Variants in SUCNR1 observed in about 807,000 individuals in gnomAD.
The protein encoded by SUCNR1 is G-protein coupled receptor 91.
A neutral mutation model predicts 2.4 loss-of-function variants in SUCNR1; 5 were observed. The observed-to-expected ratio is 2.07, with a 90% CI of 1.08 to 4.36. SUCNR1 has a LOEUF of 4.36. SUCNR1 is among the 30% of genes most tolerant of loss of function. The probability of loss-of-function intolerance (pLI) is 0.00; values close to 1 mark genes in which losing one functional copy is unlikely to be tolerated. For synonymous variants in SUCNR1, 162 were observed against 143.9 expected, an observed-to-expected ratio of 1.13 and a Z score of -0.90; for missense variants, 373 against 399.2, an observed-to-expected ratio of 0.93 and a Z score of 0.56.
At chr3:151,876,962 T>C (rs1005553848) in intron 1 of SUCNR1, among the ~76,000 whole-genome samples, 1 of 152,154 alleles carries the variant, frequency 6.6e-6, no homozygotes, top group Non-Finnish European at 1.5e-5. Context: ...TTATACAAAA[T>C]TCTAAGAAGT....
In SUCNR1 at chr3:151,875,999, C is replaced by T. The variant is rs572739792; in HGVS notation, c.-42+2293C>T. Among the ~76,000 whole-genome samples the T allele has an allele frequency of 1.1e-4, 16 of 152,206 alleles. No individual in the cohort carries two copies. The East Asian group carries it at 3.1e-3, about 29-fold the overall frequency. ...CTTTCTGCTGTGCACAATACATAAG[C>T]TATTAACATTACCAGTGGTGACTAG... On this transcript the variant is annotated intron_variant, in intron 1 of 2. Transcript: ENST00000362032.
chr3:151,876,851 G>T (rs75945330), intron 1 of SUCNR1, among the ~76,000 whole-genome samples: 354 of 152,172 alleles, frequency 2.3e-3, no homozygotes, highest in Middle Eastern at 6.8e-3. Context: ...AAATAGTCAG[G>T]TGTTCATATT....
At chr3:151,876,451 A>G (rs1717926715) in intron 1 of SUCNR1, among the ~76,000 whole-genome samples, 1 of 152,162 alleles carries the variant, frequency 6.6e-6, no homozygotes, top group Non-Finnish European at 1.5e-5. Context: ...ATATTATCAA[A>G]TAGATGCCAA....
At chr3:151,879,236 G>A (rs1406659082) in intron 1 of SUCNR1, among the ~76,000 whole-genome samples, 1 of 152,186 alleles carries the variant, frequency 6.6e-6, no homozygotes, top group African/African-American at 2.4e-5. Context: ...CTTGAGGTTT[G>A]AGTGAGTCAG....
chr3:151,875,825 C>T (rs964050435), intron 1 of SUCNR1, among the ~76,000 whole-genome samples: 1 of 152,170 alleles, frequency 6.6e-6, no homozygotes, highest in Admixed American at 6.5e-5. Context: ...CCTACTACTC[C>T]TTCAATCCCC....
At chr3:151,877,477 A>T (rs1233222245) in intron 1 of SUCNR1, among the ~76,000 whole-genome samples, 1 of 152,154 alleles carries the variant, frequency 6.6e-6, no homozygotes, top group African/African-American at 2.4e-5. Flanking sequence ...TAGAGATAAG[A>T]GTAGCCTGGA....
rs560122236 is a variant in SUCNR1, at chr3:151,875,998, G to A, written c.-42+2292G>A. Among the ~76,000 whole-genome samples the A allele has an allele frequency of 1.4e-4, 22 of 152,204 alleles. 1 individual carries two copies. In the South Asian group the frequency reaches 4.4e-3, roughly 30 times the overall value. ...TCTTTCTGCTGTGCACAATACATAA[G>A]CTATTAACATTACCAGTGGTGACTA... On this transcript the variant is annotated intron_variant, in intron 1 of 2. Transcript: ENST00000362032.
intron 1 of SUCNR1, among the ~76,000 whole-genome samples, chr3:151,877,914 ACATTTATT>A (rs1717971046): frequency 6.6e-6 from 1 of 152,168 alleles, no homozygotes; most frequent in African/African-American, 2.4e-5. Context: ...GAGGAACTCA[ACATTTATT>A]GCTTGAGCCA....
chr3:151,875,205 C>T (rs78598704), intron 1 of SUCNR1, among the ~76,000 whole-genome samples: 8,972 of 152,072 alleles, frequency 0.059, 308 homozygotes, highest in Non-Finnish European at 0.069. Context: ...AAATCAGTTA[C>T]AATTTATTTA....
chr3:151,881,620 T>A lies in SUCNR1; in HGVS notation c.*72T>A. On this transcript the variant is annotated 3_prime_UTR_variant, in exon 3 of 3. Transcript: ENST00000362032. The stretch of plus-strand genomic sequence containing the variant: ...TACAGTTTGCCTTAACTCATAGACA[T>A]CAATCAGAGAGTGTCACAGATTTAA... 2 of 1,343,724 alleles carry A rather than the reference T, an allele frequency of 1.5e-6. No individual in the cohort carries two copies. Among genetic ancestry groups the A allele is most frequent in the Non-Finnish European group, 2.0e-6 (2 of 987,918 alleles). 83.2% of individuals were successfully genotyped at this position (1,343,724 alleles called of 1,614,324 possible).
rs202123518 is a variant in SUCNR1 at position 151,883,500 on chromosome 3, ATATATG to A, written c.*1955_*1960del. The A allele has an allele frequency of 1.0e-3, 122 of 120,036 alleles. 2 individuals carry two copies. The highest frequency in any genetic ancestry group is 3.8e-3 in the African/African-American group (116 of 30,666). 7.4% of individuals were successfully genotyped at this position (120,036 alleles called of 1,614,324 possible). A position where few individuals can be genotyped will look rare whatever the true frequency, so the allele number is the denominator to read the frequency against. ...TATATATATATATATATATATATAT[ATATATG>A]TACCTTGTAAACAAGAGGTTAAGAA... is the stretch of plus-strand genomic sequence containing the variant. On this transcript the variant is annotated 3_prime_UTR_variant, in exon 3 of 3. Coordinates refer to ENST00000362032, the MANE Select transcript of SUCNR1 (RefSeq NM_033050.6).
chr3:151,877,175 T>C (rs1473378504), intron 1 of SUCNR1, among the ~76,000 whole-genome samples: 1 of 152,138 alleles, frequency 6.6e-6, no homozygotes, highest in Non-Finnish European at 1.5e-5. Context: ...AGGCTCTCTG[T>C]GCATTCAAAG....
Position 151,880,569 on chromosome 3 carries a change from C to T in SUCNR1, c.26C>T (p.Ala9Val), listed in dbSNP as rs540108496. The T allele has an allele frequency of 6.2e-7, 1 of 1,603,230 alleles. No individual in the cohort carries two copies. Among genetic ancestry groups the T allele is most frequent in the Non-Finnish European group, 8.5e-7 (1 of 1,175,330 alleles). ...CTCTCTCTTCTTTAGGCATGGAATG[C>T]AACTTGCAAAAACTGGCTGGCAGCA... is the stretch of plus-strand genomic sequence containing the variant. MLGIMAWN[A>V]TCKNWLAAEA... is the part of the protein sequence containing the mutation. Residue 9 changes from alanine to valine, a missense_variant, in exon 3 of 3, where the codon GCA becomes GTA. Ala to Val is a moderately conservative substitution (Grantham distance 64, BLOSUM62 0). This residue lies in a region of SUCNR1 where 184 missense variants were observed against 162.2 expected (regional missense o/e 1.13). Coordinates refer to ENST00000362032, the MANE Select transcript of SUCNR1 (RefSeq NM_033050.6).
chr3:151,880,744 C>G lies in SUCNR1; in HGVS notation c.201C>G (p.Val67=), dbSNP rs372869977. ...ATATTTATCTCTTTAACCTCTCTGT[C>G]TCTGACTTAGCTTTTCTGTGCACCC... ...SSNIYLFNLS[V]SDLAFLCTLP... The change falls in exon 3 of 3, where the codon GTC becomes GTG. Residue 67 remains valine (V), a synonymous_variant. Transcript: ENST00000362032. 6.2e-7 allele frequency: 1 copy of G among 1,614,092 alleles called. No individual in the cohort carries two copies. The highest frequency in any genetic ancestry group is 8.5e-7 in the Non-Finnish European group (1 of 1,179,968).
intron 1 of SUCNR1, among the ~76,000 whole-genome samples, chr3:151,876,325 A>G (rs1717923204): frequency 6.6e-6 from 1 of 151,120 alleles, no homozygotes; most frequent in African/African-American, 2.4e-5. Flanking sequence ...CTTAAAAGCT[A>G]CTGAGAATAA....
Position 151,880,953 on chromosome 3 carries a change from A to AG in SUCNR1, c.411dup (p.Phe138ValfsTer30). 6.2e-7 allele frequency: 1 copy of AG among 1,614,064 alleles called. No individual in the cohort carries two copies. The highest frequency in any genetic ancestry group is 2.2e-5 in the East Asian group (1 of 44,890). ...CGAGAACACCTTCTGCAAAAGAAAGAGTTTGCTATTTTAATCTCCTTGGCC... is the reference window on the plus strand; with the variant it reads ...CGAGAACACCTTCTGCAAAAGAAAGAGGTTTGCTATTTTAATCTCCTTGGCC... On this transcript the variant is annotated frameshift_variant, in exon 3 of 3. Transcript: ENST00000362032. LOFTEE classifies it low-confidence loss of function (END_TRUNC).
intron 2 of SUCNR1, 117 bp downstream of exon 2, chr3:151,880,024 C>T: frequency 1.7e-6 from 1 of 603,430 alleles, no homozygotes; most frequent in South Asian, 3.2e-5. Context: ...ACCTTAATGC[C>T]TTCACATGTG....
In SUCNR1 at chr3:151,881,899, T is replaced by A. The variant is rs1419054248; in HGVS notation, c.*351T>A. The A allele has an allele frequency of 5.6e-6, 1 of 179,530 alleles. No individual in the cohort carries two copies. The highest frequency in any genetic ancestry group is 5.4e-5 in the Admixed American group (1 of 18,522). 11.1% of individuals were successfully genotyped at this position (179,530 alleles called of 1,614,324 possible). A position where few individuals can be genotyped will look rare whatever the true frequency, so the allele number is the denominator to read the frequency against. On this transcript the variant is annotated 3_prime_UTR_variant, in exon 3 of 3. Transcript: ENST00000362032. ...AAAATTGTTTTGGCAACATTCTCTA[T>A]GTTATTCTTATTCACATGATCCTAG...
intron 2 of SUCNR1, among the ~76,000 whole-genome samples, chr3:151,880,272 C>G (rs889160153): frequency 1.3e-5 from 2 of 152,150 alleles, no homozygotes; most frequent in Non-Finnish European, 2.9e-5. Flanking sequence ...CCTGATTATT[C>G]TTCCCAAGAG....
Sources: allele counts gnomAD v4.1 joint callset (sites outside exome capture counted in the v4.1 genomes callset), GRCh38; gene constraint gnomAD v4.1.1; regional missense constraint gnomAD v4.1.1; transcripts MANE v1.5; gene names NCBI Gene and HGNC (gene_info 2026-07-23, HGNC 2026-07-21).